The following FGGY variants were observed in gnomAD, a reference collection of about 807,000 sequenced individuals.
The protein encoded by FGGY is FGGY carbohydrate kinase domain containing.
A neutral mutation model predicts 71.3 loss-of-function variants in FGGY; 72 were observed. The ratio of observed to expected loss-of-function variants is 1.01; its 90% CI spans 0.84 to 1.23. The LOEUF (loss-of-function observed/expected upper bound fraction) is 1.23, where lower values mean the gene tolerates loss of function less well. Ranked by LOEUF, FGGY falls within the 50% of genes most tolerant of loss-of-function variation. FGGY has a pLI of 0.00. For missense variants in FGGY, 668 were observed against 682.3 expected (o/e 0.98, Z 0.23); for synonymous variants, 251 against 250.3 (o/e 1.00, Z -0.02).
intron 5 of FGGY, among the ~76,000 whole-genome samples, chr1:59,446,982 C>CT (rs2071428729): frequency 6.6e-6 from 1 of 152,154 alleles, no homozygotes; most frequent in Non-Finnish European, 1.5e-5. Context: ...GCGCCTTGCT[C>CT]TGAGTAAAAG....
intron 5 of FGGY, among the ~76,000 whole-genome samples, chr1:59,445,376 C>T (rs2071009958): frequency 6.6e-6 from 1 of 152,234 alleles, no homozygotes; most frequent in Non-Finnish European, 1.5e-5. Context: ...TTTTTCTAGT[C>T]TCCTGCAGCC....
At chr1:59,517,254 CTTTTTTTTTTTT>C (rs57951011) in intron 7 of FGGY, among the ~76,000 whole-genome samples, 1,483 of 87,626 alleles carry the variant, frequency 0.017, 9 homozygotes, top group Middle Eastern at 0.042. Flanking sequence ...CTCAGTTGCT[CTTTTTTTTTTTT>C]TTTTTTTTTT....
chr1:59,721,598 A>C (rs888849262), intron 14 of FGGY, among the ~76,000 whole-genome samples: 1 of 152,124 alleles, frequency 6.6e-6, no homozygotes, highest in Admixed American at 6.5e-5. Flanking sequence ...TTGGCTTCCC[A>C]AAGTGCTGGG....
rs573493880 is a variant in FGGY at position 59,584,964 on chromosome 1, G to T, written c.904-22839G>T. Reference sequence around the variant, plus strand: ...ATAGCTAGGAATCCAACTTACAAGGGACGTGAAGGACCTCATCAAGGAGAA... The same window carrying T: ...ATAGCTAGGAATCCAACTTACAAGGTACGTGAAGGACCTCATCAAGGAGAA... On this transcript the variant is annotated intron_variant, in intron 8 of 15. Transcript: ENST00000303721. Among the ~76,000 whole-genome samples, 115 of 137,048 alleles carry T rather than the reference G, an allele frequency of 8.4e-4. 14 individuals are homozygous for T. The highest frequency in any genetic ancestry group is 3.6e-3 in the African/African-American group (111 of 31,022). 89.9% of individuals were successfully genotyped at this position (137,048 alleles called of 152,430 possible). A position where few individuals can be genotyped will look rare whatever the true frequency, so the allele number is the denominator to read the frequency against.
intron 8 of FGGY, among the ~76,000 whole-genome samples, chr1:59,572,867 G>A (rs1021756955): frequency 2.6e-5 from 4 of 152,164 alleles, no homozygotes; most frequent in African/African-American, 9.6e-5. Flanking sequence ...GGACAGACTG[G>A]ATTCACTAGA....
intron 14 of FGGY, among the ~76,000 whole-genome samples, chr1:59,737,231 C>CAGAG (rs1414267695): frequency 6.6e-6 from 1 of 152,246 alleles, no homozygotes; most frequent in African/African-American, 2.4e-5. Context: ...TCTTGGAGAA[C>CAGAG]CTCTGCTAGG....
At chr1:59,521,430 A>T (rs1406229726) in intron 7 of FGGY, among the ~76,000 whole-genome samples, 3 of 152,068 alleles carry the variant, frequency 2.0e-5, no homozygotes, top group Non-Finnish European at 2.9e-5. Context: ...GTGGAAGAAA[A>T]CCGAGAGAAT....
At chr1:59,381,628 CGT>C (rs113981398) in intron 5 of FGGY, among the ~76,000 whole-genome samples, 16,451 of 143,040 alleles carry the variant, frequency 0.12, 977 homozygotes, top group Non-Finnish European at 0.14. Flanking sequence ...ATGTATAACT[CGT>C]GTGTGTGTGT....
intron 7 of FGGY, among the ~76,000 whole-genome samples, chr1:59,529,492 G>A (rs543907060): frequency 2.6e-5 from 4 of 152,284 alleles, no homozygotes; most frequent in African/African-American, 4.8e-5. Flanking sequence ...GCAATGAAAC[G>A]TAGAGTATTC....
intron 5 of FGGY, among the ~76,000 whole-genome samples, chr1:59,433,758 T>G (rs989124932): frequency 6.6e-6 from 1 of 152,198 alleles, no homozygotes; most frequent in East Asian, 1.9e-4. Flanking sequence ...CCAGCTCCGT[T>G]GTCATGATTT....
At chr1:59,392,568 G>T (rs1316126066) in intron 5 of FGGY, among the ~76,000 whole-genome samples, 1 of 152,062 alleles carries the variant, frequency 6.6e-6, no homozygotes, top group African/African-American at 2.4e-5. Flanking sequence ...TCTCCTTTTG[G>T]ATTCTCCTTT....
chr1:59,330,847 T>A (rs967004707), intron 2 of FGGY, among the ~76,000 whole-genome samples: 1 of 152,158 alleles, frequency 6.6e-6, no homozygotes, highest in Non-Finnish European at 1.5e-5. Context: ...GGGGAGCTCC[T>A]CTAGAATCAT....
intron 8 of FGGY, among the ~76,000 whole-genome samples, chr1:59,598,753 T>C (rs1000196311): frequency 6.6e-6 from 1 of 152,226 alleles, no homozygotes; most frequent in African/African-American, 2.4e-5. Flanking sequence ...TTATTAACCA[T>C]GTCTTGCTTA....
intron 5 of FGGY, among the ~76,000 whole-genome samples, chr1:59,393,757 G>T (rs967100562): frequency 3.3e-5 from 5 of 152,170 alleles, no homozygotes; most frequent in African/African-American, 1.2e-4. Context: ...ATCTTGCCCA[G>T]TGTGGTTTTT....
chr1:59,610,020 G>A (rs140493720), intron 9 of FGGY, among the ~76,000 whole-genome samples: 33 of 152,324 alleles, frequency 2.2e-4, no homozygotes, highest in African/African-American at 7.7e-4. Flanking sequence ...CAGTAGAAAT[G>A]CAGCCCACTT....
intron 2 of FGGY, among the ~76,000 whole-genome samples, chr1:59,333,795 G>A (rs2048941068): frequency 6.6e-6 from 1 of 152,224 alleles, no homozygotes; most frequent in South Asian, 2.1e-4. Context: ...AGGCCATACT[G>A]CCTGTCAGGA....
At chr1:59,524,341 A>G (rs2153653631) in intron 7 of FGGY, among the ~76,000 whole-genome samples, 1 of 152,300 alleles carries the variant, frequency 6.6e-6, no homozygotes, top group Admixed American at 6.5e-5. Context: ...TGGCGGGTTG[A>G]TGGCAGGAGG....
chr1:59,489,328 A>T (rs919810960), intron 6 of FGGY, among the ~76,000 whole-genome samples: 11 of 152,058 alleles, frequency 7.2e-5, no homozygotes, highest in Non-Finnish European at 7.4e-5. Flanking sequence ...ACTCGCATCT[A>T]GCTGTAATTT....
intron 14 of FGGY, among the ~76,000 whole-genome samples, chr1:59,734,764 C>A (rs1435818270): frequency 6.6e-6 from 1 of 152,190 alleles, no homozygotes; most frequent in Non-Finnish European, 1.5e-5. Flanking sequence ...AGGGACTGCC[C>A]TCCCACAGAG....
Sources: gnomAD v4.1 joint callset for allele counts (sites outside exome capture counted in the v4.1 genomes callset) on GRCh38, gnomAD v4.1.1 for gene constraint, MANE v1.5 for transcripts, NCBI Gene and HGNC (gene_info 2026-07-23, HGNC 2026-07-21) for gene names.